Variants in TCTN2 observed in about 807,000 individuals in gnomAD.
TCTN2 encodes tectonic-2.
Under a neutral mutation model 83.4 loss-of-function variants are expected in TCTN2, and 66 were observed. The ratio of observed to expected loss-of-function variants is 0.79; its 90% CI spans 0.65 to 0.97. The LOEUF is 0.97. Ranked by LOEUF, TCTN2 falls within the 50% of genes least tolerant of loss-of-function variation. The pLI is 0.00. For missense variants in TCTN2, 794 were observed against 858.1 expected (o/e 0.93, Z 0.93); for synonymous variants, 301 against 326.7 (o/e 0.92, Z 0.85).
At chr12:123,682,586 A>C (rs1018082936) in intron 5 of TCTN2, among the ~76,000 whole-genome samples, 3 of 151,938 alleles carry the variant, frequency 2.0e-5, no homozygotes, top group African/African-American at 7.3e-5. Flanking sequence ...GGTTCAAGCG[A>C]TTCTCCTGCC....
chr12:123,692,829 G>T (rs1956059868), intron 9 of TCTN2, 106 bp downstream of exon 9: 1 of 912,478 alleles, frequency 1.1e-6, no homozygotes, highest in East Asian at 2.6e-5. Flanking sequence ...CATTTAAAAA[G>T]GTTCACAATA....
chr12:123,687,998 A>G, intron 6 of TCTN2, 53 bp from the exon 7 acceptor site: 1 of 1,607,668 alleles, frequency 6.2e-7, no homozygotes, highest in Non-Finnish European at 8.5e-7. Context: ...TTAAGGAAGA[A>G]TTGTGTTTTA....
At chr12:123,706,912 G>T in intron 16 of TCTN2, 61 bp downstream of exon 16, 2 of 1,613,872 alleles carry the variant, frequency 1.2e-6, no homozygotes, top group South Asian at 1.1e-5. Flanking sequence ...TTGAAAATTG[G>T]AAGTTTATTC....
rs114073797 is a variant in TCTN2 at position 123,695,334 on chromosome 12, C to T, written c.1312+37C>T. The T allele has an allele frequency of 2.6e-3, 3,629 of 1,405,456 alleles. 82 individuals are homozygous for T. The African/African-American group carries it at 0.045, about 17-fold the overall frequency. The allele number at this position is 1,405,456 out of a possible 1,614,324, so 87.1% of individuals were successfully genotyped here. On this transcript the variant is annotated intron_variant, in intron 11 of 17. Coordinates refer to ENST00000303372, the MANE Select transcript of TCTN2 (RefSeq NM_024809.5). ...ATATGCCAGTCATTGATCTTACAAA[C>T]ATACTTTAGTTCAACACTCCCAGCC...
chr12:123,672,324 T>C (rs186369174), intron 3 of TCTN2, among the ~76,000 whole-genome samples, 192 bp downstream of exon 3: 125 of 152,324 alleles, frequency 8.2e-4, no homozygotes, highest in Non-Finnish European at 1.4e-3. Flanking sequence ...AGTCCTTGGA[T>C]GTATTTCAGT....
At chr12:123,671,826 G>T (rs1486830038) in intron 2 of TCTN2, among the ~76,000 whole-genome samples, 1 of 152,220 alleles carries the variant, frequency 6.6e-6, no homozygotes, top group Non-Finnish European at 1.5e-5. Context: ...CATTCATTGA[G>T]CTAACATCGT....
chr12:123,706,319 G>A (rs1209832030), intron 15 of TCTN2, among the ~76,000 whole-genome samples: 1 of 152,188 alleles, frequency 6.6e-6, no homozygotes, highest in Non-Finnish European at 1.5e-5. Context: ...ATGGTGTGTT[G>A]CAAGCAAGTT....
intron 5 of TCTN2, among the ~76,000 whole-genome samples, chr12:123,682,514 T>C (rs1341140650): frequency 6.6e-6 from 1 of 151,958 alleles, no homozygotes. Flanking sequence ...GGAGTTTCGC[T>C]CTTGTTGCCT....
chr12:123,675,185 A>G (rs947424771), intron 4 of TCTN2, among the ~76,000 whole-genome samples: 1 of 152,196 alleles, frequency 6.6e-6, no homozygotes, highest in Non-Finnish European at 1.5e-5. Context: ...GTCTGTTCCC[A>G]GCTTTTGATG....
At chr12:123,680,910 T>C (rs1391508738) in intron 5 of TCTN2, among the ~76,000 whole-genome samples, 4 of 152,064 alleles carry the variant, frequency 2.6e-5, no homozygotes, top group Non-Finnish European at 5.9e-5. Flanking sequence ...GTGAAGATCA[T>C]ACTGGGGGGA....
chr12:123,701,865 C>T (rs1956177161), intron 14 of TCTN2, among the ~76,000 whole-genome samples: 1 of 152,128 alleles, frequency 6.6e-6, no homozygotes, highest in South Asian at 2.1e-4. Context: ...TGGCAAGTAG[C>T]TCGTACACAA....
At chr12:123,672,035 A>G in intron 2 of TCTN2, 21 bp from the exon 3 acceptor site, 1 of 1,611,998 alleles carries the variant, frequency 6.2e-7, no homozygotes. Flanking sequence ...CTGCCTTTGC[A>G]TGCTGGTCTT....
At position 123,688,031 on chromosome 12, in the gene TCTN2, CCTTT is replaced by C; in HGVS notation, c.765-16_765-13del. 6.2e-7 allele frequency: 1 copy of C among 1,613,324 alleles called. No individual in the cohort carries two copies. Among genetic ancestry groups the C allele is most frequent in the Admixed American group, 1.7e-5 (1 of 59,966 alleles). On this transcript the variant is annotated splice_polypyrimidine_tract_variant and intron_variant, in intron 6 of 17. Transcript: ENST00000303372. ...TTAGCAGATAACTGAAACTATTCAG[CCTTT>C]CTTATTGATTTTCAGTTCCCCCAAA...
At chr12:123,680,388 A>ATTTT in intron 5 of TCTN2, among the ~76,000 whole-genome samples, 1 of 146,904 alleles carries the variant, frequency 6.8e-6, no homozygotes, top group South Asian at 2.2e-4. Flanking sequence ...TTTTGAGTAA[A>ATTTT]TTTTTTTTTT....
In TCTN2 at chr12:123,688,036, C is replaced by T. The variant is rs1199873149; in HGVS notation, c.765-15C>T. 1 of 1,613,600 alleles carries T rather than the reference C, an allele frequency of 6.2e-7. No homozygotes were observed. The highest frequency in any genetic ancestry group is 2.2e-5 in the East Asian group (1 of 44,844). ...AGATAACTGAAACTATTCAGCCTTT[C>T]TTATTGATTTTCAGTTCCCCCAAAC... On this transcript the variant is annotated splice_polypyrimidine_tract_variant and intron_variant, in intron 6 of 17. Coordinates refer to ENST00000303372, the MANE Select transcript of TCTN2 (RefSeq NM_024809.5).
chr12:123,700,336 A>G (rs1416419687), intron 14 of TCTN2, among the ~76,000 whole-genome samples: 1 of 152,200 alleles, frequency 6.6e-6, no homozygotes, highest in Non-Finnish European at 1.5e-5. Context: ...GTCTTTGTGA[A>G]AGAAAGTCTA....
rs1254926714 is a variant in TCTN2 at position 123,679,386 on chromosome 12, G to A, written c.564+97G>A. 3.5e-6 allele frequency: 4 copies of A among 1,144,324 alleles called. No individual in the cohort carries two copies. In the East Asian group the frequency reaches 7.2e-5, roughly 21 times the overall value. 70.9% of individuals were successfully genotyped at this position (1,144,324 alleles called of 1,614,324 possible). ...TTTTCATTTTTTATTTCTTGAGATA[G>A]GGTCTTGCTCTGTCACCCAGGCTGG... is the stretch of plus-strand genomic sequence containing the variant. On this transcript the variant is annotated intron_variant, in intron 5 of 17. Transcript: ENST00000303372.
intron 5 of TCTN2, among the ~76,000 whole-genome samples, chr12:123,683,426 T>A (rs1338874749): frequency 6.7e-6 from 1 of 150,244 alleles, no homozygotes; most frequent in Admixed American, 6.7e-5. Context: ...ATTACAGGAG[T>A]GAGCCACCAT....
At chr12:123,702,895 G>A (rs985977333) in intron 14 of TCTN2, among the ~76,000 whole-genome samples, 1 of 152,190 alleles carries the variant, frequency 6.6e-6, no homozygotes, top group Non-Finnish European at 1.5e-5. Flanking sequence ...GAGAAGTGGT[G>A]TTGACACATG....
Sources: gnomAD v4.1 joint callset for allele counts (sites outside exome capture counted in the v4.1 genomes callset) on GRCh38, gnomAD v4.1.1 for gene constraint, MANE v1.5 for transcripts, NCBI Gene and HGNC (gene_info 2026-07-23, HGNC 2026-07-21) for gene names.